ASAP1: variants seen among roughly 807,000 people sequenced by gnomAD.
ASAP1 encodes the protein arf-GAP with SH3 domain, ANK repeat and PH domain-containing protein 1.
In ASAP1, 43 loss-of-function variants were observed where a neutral mutation model predicts 145.2. The observed-to-expected ratio is 0.30, with a 90% CI of 0.23 to 0.38. The LOEUF is 0.38. ASAP1 is among the 10% of genes least tolerant of loss of function. ASAP1 has a pLI of 1.00. For synonymous variants in ASAP1, 546 were observed against 515.5 expected (o/e 1.06, Z -0.80); for missense variants, 1,018 against 1,355.3 (o/e 0.75, Z 3.91).
intron 16 of ASAP1, 56 bp from the exon 17 acceptor site, chr8:130,126,145 C>T (rs2097574632): frequency 6.6e-7 from 1 of 1,524,654 alleles, no homozygotes; most frequent in Non-Finnish European, 8.9e-7. Context: ...TTTTAGTGTG[C>T]CAACTACAGA....
chr8:130,172,568 T>C (rs1315268233), intron 9 of ASAP1, among the ~76,000 whole-genome samples: 1 of 152,180 alleles, frequency 6.6e-6, no homozygotes, highest in African/African-American at 2.4e-5. Context: ...TATTAAAAAT[T>C]AAATGAAAAA....
intron 1 of ASAP1, among the ~76,000 whole-genome samples, chr8:130,403,977 A>G (rs1432372752): frequency 6.6e-6 from 1 of 152,188 alleles, no homozygotes; most frequent in Non-Finnish European, 1.5e-5. Context: ...TAACTCCTGT[A>G]CTTCCTTAAA....
At chr8:130,279,510 C>T (rs566941198) in intron 3 of ASAP1, among the ~76,000 whole-genome samples, 1 of 152,270 alleles carries the variant, frequency 6.6e-6, no homozygotes, top group East Asian at 1.9e-4. Flanking sequence ...ATAAAAGCAG[C>T]ATAGTGCAGT....
Position 130,111,891 on chromosome 8 carries a change from G to C in ASAP1, c.2401+203C>G, listed in dbSNP as rs114388564. ...AAGGTTAACACAAATAATGCACAAA[G>C]AGAGCCCACAGCACTGCCTGTCCTG... On this transcript the variant is annotated intron_variant, in intron 24 of 29. Coordinates refer to ENST00000518721, the MANE Select transcript of ASAP1 (RefSeq NM_018482.4). 2.3e-3 allele frequency among the ~76,000 whole-genome samples: 352 copies of C among 152,298 alleles called. 1 individual carries two copies. The highest frequency in any genetic ancestry group is 8.3e-3 in the African/African-American group (346 of 41,552).
At chr8:130,275,639 A>AG (rs910541004) in intron 3 of ASAP1, among the ~76,000 whole-genome samples, 4 of 152,234 alleles carry the variant, frequency 2.6e-5, no homozygotes, top group African/African-American at 9.6e-5. Flanking sequence ...TTAAAAAAAA[A>AG]AACTATGTAT....
At chr8:130,131,222 G>A (rs2097582496) in intron 15 of ASAP1, among the ~76,000 whole-genome samples, 1 of 152,148 alleles carries the variant, frequency 6.6e-6, no homozygotes, top group South Asian at 2.1e-4. Context: ...GCCTGGACAA[G>A]AAGCCAAATG....
intron 2 of ASAP1, among the ~76,000 whole-genome samples, chr8:130,381,409 T>C (rs1827762947): frequency 6.6e-6 from 1 of 151,976 alleles, no homozygotes; most frequent in Non-Finnish European, 1.5e-5. Flanking sequence ...AAATTATTAA[T>C]GAGACAGAGT....
intron 5 of ASAP1, among the ~76,000 whole-genome samples, chr8:130,203,716 T>G (rs1421149389): frequency 6.6e-6 from 1 of 152,130 alleles, no homozygotes; most frequent in Admixed American, 6.5e-5. Flanking sequence ...GGGGCAGAGT[T>G]TGACAGAATT....
chr8:130,150,270 A>T (rs2097642911), intron 13 of ASAP1, among the ~76,000 whole-genome samples: 1 of 152,224 alleles, frequency 6.6e-6, no homozygotes, highest in Admixed American at 6.5e-5. Flanking sequence ...TTAAGAATGC[A>T]TATAAACAGT....
At chr8:130,072,831 G>GCGCGC (rs58907739) in intron 27 of ASAP1, among the ~76,000 whole-genome samples, 3,809 of 110,774 alleles carry the variant, frequency 0.034, 438 homozygotes, top group African/African-American at 0.13. Context: ...GTGTGCGCGC[G>GCGCGC]GGGGGGGGCA....
rs188735926 is a variant in ASAP1, at chr8:130,248,839, C to T, written c.187-11845G>A. On this transcript the variant is annotated intron_variant, in intron 3 of 29. Transcript: ENST00000518721. Reference sequence around the variant, plus strand: ...ACAGTGATGGCACAAAGATGTTCACCCGGACACCAAAGTCACATTCCTCTT... The same window carrying T: ...ACAGTGATGGCACAAAGATGTTCACTCGGACACCAAAGTCACATTCCTCTT... 6.6e-5 allele frequency among the ~76,000 whole-genome samples: 10 copies of T among 152,256 alleles called. No homozygotes were observed. The East Asian group carries it at 1.9e-3, about 29-fold the overall frequency.
At chr8:130,386,636 C>G (rs74699605) in intron 2 of ASAP1, 2,628 of 152,348 alleles carry the variant, frequency 0.017, 38 homozygotes, top group East Asian at 0.053. Context: ...GACAACTGTA[C>G]CTCACTCTGC....
At chr8:130,401,810 T>C (rs1220468581) in intron 2 of ASAP1, 75 bp downstream of exon 2, 6 of 1,443,612 alleles carry the variant, frequency 4.2e-6, no homozygotes, top group Non-Finnish European at 5.7e-6. Context: ...AATTTTGCAT[T>C]TCAACTCCCA....
intron 25 of ASAP1, chr8:130,082,666 GTTAATT>G (rs1213581662): frequency 7.1e-6 from 1 of 141,788 alleles, no homozygotes; most frequent in East Asian, 2.0e-4. Context: ...ACCATGCCTG[GTTAATT>G]TTAATTTTTA....
At chr8:130,392,054 C>T (rs757526621) in intron 2 of ASAP1, among the ~76,000 whole-genome samples, 1 of 152,222 alleles carries the variant, frequency 6.6e-6, no homozygotes, top group South Asian at 2.1e-4. Context: ...CACTGCTTGT[C>T]CCATCTTCTC....
intron 28 of ASAP1, among the ~76,000 whole-genome samples, chr8:130,058,769 G>A (rs1179134259): frequency 6.6e-6 from 1 of 152,184 alleles, no homozygotes; most frequent in African/African-American, 2.4e-5. Context: ...AAAGCAAGCT[G>A]TCTCTTTAAA....
chr8:130,316,184 C>A (rs1396287280), intron 3 of ASAP1, among the ~76,000 whole-genome samples: 1 of 152,262 alleles, frequency 6.6e-6, no homozygotes, highest in African/African-American at 2.4e-5. Context: ...TCATACCAGT[C>A]TCCTCTTCTG....
intron 3 of ASAP1, among the ~76,000 whole-genome samples, chr8:130,268,910 G>C (rs983014324): frequency 6.6e-6 from 1 of 152,102 alleles, no homozygotes; most frequent in Non-Finnish European, 1.5e-5. Context: ...TGCAGGACAA[G>C]AGCAATATCA....
At chr8:130,152,607 T>G (rs80108060) in intron 13 of ASAP1, 129 bp downstream of exon 13, 2 of 545,204 alleles carry the variant, frequency 3.7e-6, no homozygotes, top group Non-Finnish European at 6.2e-6. Context: ...TTTTTTTTTT[T>G]GGTAAAGGAA....
Sources: allele counts gnomAD v4.1 joint callset (sites outside exome capture counted in the v4.1 genomes callset), GRCh38; gene constraint gnomAD v4.1.1; transcripts MANE v1.5; gene names NCBI Gene and HGNC (gene_info 2026-07-23, HGNC 2026-07-21).